Variants in PLXNA4 observed in about 807,000 individuals in gnomAD.
The protein encoded by PLXNA4 is plexin-A4.
A neutral mutation model predicts 191.8 loss-of-function variants in PLXNA4; 44 were observed. The ratio of observed to expected loss-of-function variants is 0.23; its 90% CI spans 0.18 to 0.29. PLXNA4 has a LOEUF of 0.29. Ranked by LOEUF, PLXNA4 falls within the 10% of genes least tolerant of loss-of-function variation. PLXNA4 has a pLI of 1.00. For synonymous variants in PLXNA4, 1,082 were observed against 1,009.5 expected, an observed-to-expected ratio of 1.07 and a Z score of -1.36; for missense variants, 1,800 against 2,488.8, an observed-to-expected ratio of 0.72 and a Z score of 5.89.
rs909016424 is a variant in PLXNA4 at position 132,576,168 on chromosome 7, C to A, written c.-87+254G>T. Among the ~76,000 whole-genome samples the A allele has an allele frequency of 6.6e-6, 1 of 152,196 alleles. No homozygotes were observed. The highest frequency in any genetic ancestry group is 1.5e-5 in the Non-Finnish European group (1 of 68,032). On this transcript the variant is annotated intron_variant, in intron 1 of 31. Transcript: ENST00000321063. The surrounding 1 kb of genome is among the most constrained non-coding windows in gnomAD (Gnocchi z 5.8). ...GGAAAGAGAAGTCTGAGTCCAGGAG[C>A]GTGAGAGGAGAACACACCCGGGAAA...
chr7:132,272,399 G>T (rs571220763), intron 4 of PLXNA4, among the ~76,000 whole-genome samples: 2 of 152,294 alleles, frequency 1.3e-5, no homozygotes, highest in East Asian at 1.9e-4. Context: ...CTGCTGTGAA[G>T]ATTAAATTAA....
intron 14 of PLXNA4, among the ~76,000 whole-genome samples, chr7:132,189,056 G>GAA (rs1562909270): frequency 7.8e-5 from 8 of 102,458 alleles, no homozygotes; most frequent in African/African-American, 2.2e-4. Context: ...GAGAGAGAGA[G>GAA]AGAGAGAGAG....
chr7:132,468,611 G>A (rs1197725936), intron 3 of PLXNA4, among the ~76,000 whole-genome samples: 1 of 152,150 alleles, frequency 6.6e-6, no homozygotes, highest in Non-Finnish European at 1.5e-5. Flanking sequence ...AGATGTAGGA[G>A]TAGAATGAGA....
intron 5 of PLXNA4, among the ~76,000 whole-genome samples, chr7:132,233,541 A>G (rs919358729): frequency 6.6e-6 from 1 of 152,254 alleles, no homozygotes. Context: ...TCCCTCTGCC[A>G]TCAGTTGCTG....
chr7:132,354,520 T>C (rs993655008), intron 3 of PLXNA4, among the ~76,000 whole-genome samples: 2 of 152,190 alleles, frequency 1.3e-5, no homozygotes, highest in African/African-American at 4.8e-5. Flanking sequence ...ATCATCATTA[T>C]CATCAGCGCT....
At chr7:132,590,977 C>G (rs1802595210) in intron 2 of PLXNA4, among the ~76,000 whole-genome samples, 3 of 152,098 alleles carry the variant, frequency 2.0e-5, no homozygotes, top group South Asian at 4.1e-4. Context: ...ATCTCCTCCC[C>G]AGTGCTCCCT....
chr7:132,217,693 A>G (rs1413280935), intron 9 of PLXNA4, among the ~76,000 whole-genome samples: 1 of 152,112 alleles, frequency 6.6e-6, no homozygotes, highest in Non-Finnish European at 1.5e-5. Context: ...CAAGTTTATA[A>G]TGTCATTAGT....
intron 3 of PLXNA4, among the ~76,000 whole-genome samples, chr7:132,425,676 A>G (rs1795014098): frequency 6.6e-6 from 1 of 152,204 alleles, no homozygotes; most frequent in Non-Finnish European, 1.5e-5. Flanking sequence ...GGAGGAAGAA[A>G]AGGGCAGAGG....
intron 4 of PLXNA4, among the ~76,000 whole-genome samples, chr7:132,283,681 G>A (rs1211351299): frequency 6.6e-6 from 1 of 152,170 alleles, no homozygotes; most frequent in African/African-American, 2.4e-5. Context: ...AGGAGAGCTG[G>A]GAAAAGATAG....
At chr7:132,389,212 G>C (rs940013436) in intron 3 of PLXNA4, among the ~76,000 whole-genome samples, 1 of 152,110 alleles carries the variant, frequency 6.6e-6, no homozygotes, top group Non-Finnish European at 1.5e-5. Context: ...CCATTCTGTA[G>C]GTTCCTGTTC....
At chr7:132,407,801 C>T (rs527806623) in intron 3 of PLXNA4, among the ~76,000 whole-genome samples, 3 of 152,258 alleles carry the variant, frequency 2.0e-5, no homozygotes, top group African/African-American at 7.2e-5. Flanking sequence ...TCTGCTATGC[C>T]ACAGAACATG....
chr7:132,376,369 G>C (rs1157251278), intron 3 of PLXNA4, among the ~76,000 whole-genome samples: 1 of 152,156 alleles, frequency 6.6e-6, no homozygotes, highest in Admixed American at 6.5e-5. Context: ...GGAGGAGCAG[G>C]ATGCTGGGGT....
At chr7:132,246,660 G>T (rs1799061994) in intron 4 of PLXNA4, among the ~76,000 whole-genome samples, 2 of 152,068 alleles carry the variant, frequency 1.3e-5, no homozygotes, top group African/African-American at 4.8e-5. Context: ...GGGAATCTGG[G>T]TGGTTTTATC....
intron 1 of PLXNA4, among the ~76,000 whole-genome samples, chr7:132,550,404 C>G (rs1322230058): frequency 6.6e-6 from 1 of 152,210 alleles, no homozygotes; most frequent in Non-Finnish European, 1.5e-5. Context: ...TTCAGACATA[C>G]AGCCTGATCT....
At chr7:132,176,565 GGAGT>G (rs1170207481) in intron 20 of PLXNA4, among the ~76,000 whole-genome samples, 1 of 151,670 alleles carries the variant, frequency 6.6e-6, no homozygotes, top group Non-Finnish European at 1.5e-5. Flanking sequence ...AGCATGTCAG[GGAGT>G]GTGTGAGTAT....
At chr7:132,177,428 C>T (rs1031506952) in intron 20 of PLXNA4, among the ~76,000 whole-genome samples, 1 of 152,226 alleles carries the variant, frequency 6.6e-6, no homozygotes, top group Admixed American at 6.5e-5. Flanking sequence ...CGTTCAGTGG[C>T]TGGCTCTGGG....
intron 1 of PLXNA4, among the ~76,000 whole-genome samples, chr7:132,524,385 T>C (rs1799316117): frequency 1.3e-5 from 2 of 152,304 alleles, no homozygotes; most frequent in South Asian, 2.1e-4. Context: ...CAACCAAAGT[T>C]AATAACATTA....
chr7:132,288,410 G>A (rs1374901292), intron 4 of PLXNA4, among the ~76,000 whole-genome samples: 1 of 152,216 alleles, frequency 6.6e-6, no homozygotes, highest in Non-Finnish European at 1.5e-5. Flanking sequence ...GAATATCTCA[G>A]TAATGACATT....
chr7:132,343,509 C>T (rs760183850), intron 3 of PLXNA4, among the ~76,000 whole-genome samples: 2 of 152,190 alleles, frequency 1.3e-5, no homozygotes, highest in Non-Finnish European at 2.9e-5. Flanking sequence ...TTTCAGGAGG[C>T]CTTCTGAAAT....
Sources: gnomAD v4.1 joint callset for allele counts (sites outside exome capture counted in the v4.1 genomes callset) on GRCh38, gnomAD v4.1.1 for gene constraint, Gnocchi (gnomAD v3.1) non-coding constraint, MANE v1.5 for transcripts, NCBI Gene and HGNC (gene_info 2026-07-23, HGNC 2026-07-21) for gene names.